The following CGNL1 variants were observed in gnomAD, a reference collection of about 807,000 sequenced individuals.
The protein encoded by CGNL1 is cingulin-like protein 1.
Under a neutral mutation model 141.2 loss-of-function variants are expected in CGNL1, and 132 were observed. The observed-to-expected ratio is 0.93, with a 90% confidence interval of 0.81 to 1.08. CGNL1 has a LOEUF of 1.08. Ranked by LOEUF, CGNL1 falls within the 50% of genes least tolerant of loss-of-function variation. The probability of loss-of-function intolerance (pLI) is 0.00; values close to 1 mark genes in which losing one functional copy is unlikely to be tolerated. For synonymous variants in CGNL1, 690 were observed against 622.1 expected (o/e 1.11, Z -1.63); for missense variants, 1,870 against 1,588.6 (o/e 1.18, Z -3.01).
intron 14 of CGNL1, among the ~76,000 whole-genome samples, chr15:57,541,532 G>A (rs966389398): frequency 6.6e-6 from 1 of 152,214 alleles, no homozygotes; most frequent in African/African-American, 2.4e-5. Context: ...CAGCAGAGTG[G>A]GAGCGGGCCT....
intron 1 of CGNL1, among the ~76,000 whole-genome samples, chr15:57,400,582 G>A (rs1464876228): frequency 2.0e-5 from 3 of 151,994 alleles, no homozygotes; most frequent in African/African-American, 4.8e-5. Flanking sequence ...CTTTCTTATT[G>A]TAAAAACAAT....
At chr15:57,414,552 G>T (rs16977482) in intron 1 of CGNL1, among the ~76,000 whole-genome samples, 39,045 of 151,912 alleles carry the variant, frequency 0.26, 5,148 homozygotes, top group East Asian at 0.43. Flanking sequence ...GTGGTTAACT[G>T]CCCTGCCCTG....
chr15:57,427,556 T>G (rs534832762), intron 1 of CGNL1, among the ~76,000 whole-genome samples: 88 of 152,364 alleles, frequency 5.8e-4, no homozygotes, highest in Non-Finnish European at 8.4e-4. Flanking sequence ...ATGATGCACA[T>G]TCCCTCACCC....
chr15:57,471,251 A>G (rs1414198582), intron 8 of CGNL1, among the ~76,000 whole-genome samples: 1 of 152,152 alleles, frequency 6.6e-6, no homozygotes, highest in African/African-American at 2.4e-5. Context: ...GTCTACCATT[A>G]GGGCTTTTGG....
intron 1 of CGNL1, among the ~76,000 whole-genome samples, chr15:57,390,725 G>T (rs776490215): frequency 2.6e-5 from 4 of 152,214 alleles, no homozygotes; most frequent in Admixed American, 2.0e-4. Context: ...GCTGGCATGC[G>T]CTGCCTCTCG....
intron 1 of CGNL1, among the ~76,000 whole-genome samples, chr15:57,404,509 A>T (rs1328240969): frequency 1.3e-5 from 2 of 152,222 alleles, no homozygotes; most frequent in African/African-American, 4.8e-5. Flanking sequence ...GGATCCTTGT[A>T]GCGAACATTT....
At chr15:57,543,613 A>G in intron 14 of CGNL1, 83 bp from the exon 15 acceptor site, 1 of 1,243,220 alleles carries the variant, frequency 8.0e-7, no homozygotes, top group Non-Finnish European at 1.2e-6. Context: ...GGAGGTTGAC[A>G]TTCAGTTCCT....
chr15:57,437,832 C>T (rs1343122048), intron 1 of CGNL1, among the ~76,000 whole-genome samples, 153 bp from the exon 2 acceptor site: 1 of 152,154 alleles, frequency 6.6e-6, no homozygotes, highest in African/African-American at 2.4e-5. Flanking sequence ...AGAGGGCTGC[C>T]CTTCAGCACT....
chr15:57,544,044 A>G (rs1230713651), intron 15 of CGNL1, among the ~76,000 whole-genome samples: 1 of 152,218 alleles, frequency 6.6e-6, no homozygotes, highest in Admixed American at 6.5e-5. Flanking sequence ...AATGAAAAAG[A>G]ATCCACGTCA....
At chr15:57,507,696 C>T (rs1348411099) in intron 8 of CGNL1, among the ~76,000 whole-genome samples, 6 of 152,192 alleles carry the variant, frequency 3.9e-5, no homozygotes. Flanking sequence ...GCCCTCACCT[C>T]TGGATGCTGT....
intron 1 of CGNL1, among the ~76,000 whole-genome samples, chr15:57,408,388 A>C (rs60212485): frequency 0.14 from 21,748 of 151,996 alleles, 1,931 homozygotes; most frequent in African/African-American, 0.25. Flanking sequence ...AAATCTTTCC[A>C]CAAATGTGCA....
chr15:57,519,169 A>G (rs1322921254), intron 10 of CGNL1, among the ~76,000 whole-genome samples: 5 of 152,214 alleles, frequency 3.3e-5, no homozygotes, highest in East Asian at 1.9e-4. Context: ...GACTTTGCAC[A>G]GTGACCTCCG....
intron 12 of CGNL1, chr15:57,527,302 C>T (rs1353191967): frequency 2.0e-5 from 3 of 152,254 alleles, no homozygotes; most frequent in South Asian, 4.1e-4. Flanking sequence ...AGCTTTTCCA[C>T]GGGTTCTCCA....
chr15:57,396,855 C>A (rs1030082715), intron 1 of CGNL1: 1 of 152,076 alleles, frequency 6.6e-6, no homozygotes, highest in Non-Finnish European at 1.5e-5. Context: ...ACAATTATAG[C>A]GCTCTTGCTA....
rs745345084 is a variant in CGNL1, at chr15:57,438,702, G to A, written c.703G>A (p.Val235Ile). 8 of 1,614,160 alleles carry A rather than the reference G, an allele frequency of 5.0e-6. No individual in the cohort carries two copies. In the East Asian group the frequency reaches 1.8e-4, roughly 36 times the overall value. The change falls in exon 2 of 19, where the codon GTA becomes ATA. Residue 235 changes from valine to isoleucine, a missense_variant. Val to Ile is a conservative substitution (Grantham distance 29). Coordinates refer to ENST00000281282, the MANE Select transcript of CGNL1 (RefSeq NM_032866.5). ...CCCCAAAAAGCAGACCTCAGTGTGT[G>A]TAAACGTTCAGAGCTGCACCAAGGA... ...EDPKKQTSVC[V>I]NVQSCTKERV...
chr15:57,399,039 A>G (rs2062631772), intron 1 of CGNL1, among the ~76,000 whole-genome samples: 1 of 152,226 alleles, frequency 6.6e-6, no homozygotes, highest in Non-Finnish European at 1.5e-5. Flanking sequence ...CATGTATACA[A>G]TGTGTGATGA....
chr15:57,406,385 G>C (rs910619133), intron 1 of CGNL1, among the ~76,000 whole-genome samples: 2 of 152,146 alleles, frequency 1.3e-5, no homozygotes, highest in Admixed American at 6.5e-5. Context: ...TGAGGGTGGG[G>C]GTTCTAAGAG....
intron 8 of CGNL1, among the ~76,000 whole-genome samples, chr15:57,472,432 C>G (rs2063594281): frequency 6.6e-6 from 1 of 152,112 alleles, no homozygotes; most frequent in Non-Finnish European, 1.5e-5. Context: ...GACAGACAGA[C>G]AAGCAGGTGT....
At chr15:57,460,221 A>G (rs1272853740) in intron 7 of CGNL1, among the ~76,000 whole-genome samples, 1 of 152,192 alleles carries the variant, frequency 6.6e-6, no homozygotes, top group East Asian at 1.9e-4. Context: ...AGAGGGGTAA[A>G]GAAAATTGAC....
Sources: allele counts gnomAD v4.1 joint callset (sites outside exome capture counted in the v4.1 genomes callset), GRCh38; gene constraint gnomAD v4.1.1; transcripts MANE v1.5; gene names NCBI Gene and HGNC (gene_info 2026-07-23, HGNC 2026-07-21).